The following PTPRG variants were observed in gnomAD, a reference collection of about 807,000 sequenced individuals.
PTPRG encodes protein tyrosine phosphatase receptor type G.
Under a neutral mutation model 165.3 loss-of-function variants are expected in PTPRG, and 102 were observed. That is an observed-to-expected ratio of 0.62 (90% CI 0.53 to 0.73). The LOEUF is 0.73. PTPRG is among the 30% of genes least tolerant of loss of function. The probability of loss-of-function intolerance (pLI) is 0.00; values close to 1 mark genes in which losing one functional copy is unlikely to be tolerated. For missense variants in PTPRG, 1,866 were observed against 1,861.4 expected (o/e 1.00, Z -0.05); for synonymous variants, 675 against 669.5 (o/e 1.01, Z -0.13).
rs567345597 is a variant in PTPRG, at chr3:61,700,417, G to A, written c.86-48461G>A. Among the ~76,000 whole-genome samples the A allele has an allele frequency of 2.0e-5, 3 of 152,264 alleles. No homozygotes were observed. In the East Asian group the frequency reaches 5.8e-4, roughly 29 times the overall value. ...TGACTAGATAGAAATGAATATTAAA[G>A]TAATTCAGCACAGTACTAAAAGCTT... is the stretch of plus-strand genomic sequence containing the variant. On this transcript the variant is annotated intron_variant, in intron 1 of 29. Coordinates refer to ENST00000474889, the MANE Select transcript of PTPRG (RefSeq NM_002841.4).
chr3:61,755,366 A>T (rs2033601001), intron 2 of PTPRG, among the ~76,000 whole-genome samples: 1 of 152,136 alleles, frequency 6.6e-6, no homozygotes, highest in African/African-American at 2.4e-5. Flanking sequence ...CAGCCTTGAG[A>T]GTCTTCCTCC....
At chr3:61,667,022 A>C (rs1046984417) in intron 1 of PTPRG, among the ~76,000 whole-genome samples, 8 of 152,228 alleles carry the variant, frequency 5.3e-5, no homozygotes, top group Admixed American at 5.2e-4. Context: ...ATTTGAATTA[A>C]TAATTTAAAA....
intron 4 of PTPRG, among the ~76,000 whole-genome samples, chr3:62,076,268 C>T: frequency 6.6e-6 from 1 of 151,926 alleles, no homozygotes; most frequent in Admixed American, 6.6e-5. Context: ...GCCTGGGTGA[C>T]AAAATGAGAC....
At chr3:61,784,777 G>T (rs544399954) in intron 2 of PTPRG, among the ~76,000 whole-genome samples, 2 of 152,196 alleles carry the variant, frequency 1.3e-5, no homozygotes, top group South Asian at 2.1e-4. Flanking sequence ...TTCTTTTAAA[G>T]AATTTAGTAT....
At chr3:62,191,796 C>A in intron 9 of PTPRG, 143 bp downstream of exon 9, 1 of 912,238 alleles carries the variant, frequency 1.1e-6, no homozygotes, top group Non-Finnish European at 1.6e-6. Flanking sequence ...GCCATTGCTG[C>A]GCTGCTCGAG....
At chr3:62,192,487 CA>C (rs1266543685) in intron 9 of PTPRG, among the ~76,000 whole-genome samples, 1 of 139,868 alleles carries the variant, frequency 7.1e-6, no homozygotes, top group Admixed American at 7.8e-5. Flanking sequence ...CGGCTCACTG[CA>C]AGCTCCACCT....
rs116663424 is a variant in PTPRG, at chr3:62,271,996, G to A, written c.3182+441G>A. On this transcript the variant is annotated intron_variant, in intron 21 of 29. Coordinates refer to ENST00000474889, the MANE Select transcript of PTPRG (RefSeq NM_002841.4). The surrounding 1 kb of genome is among the most constrained non-coding windows in gnomAD (Gnocchi z 4.1). ...TGTGGTCCCAGCTACATGGGAGGCT[G>A]AGACAGAAGGATCCCTTGAACCCAG... Among the ~76,000 whole-genome samples, 2,186 of 152,224 alleles carry A rather than the reference G, an allele frequency of 0.014. 28 individuals carry two copies. Among genetic ancestry groups the A allele is most frequent in the Non-Finnish European group, 0.026 (1,748 of 68,010 alleles).
intron 6 of PTPRG, among the ~76,000 whole-genome samples, chr3:62,141,013 C>T (rs539860893): frequency 9.9e-5 from 15 of 152,172 alleles, no homozygotes; most frequent in African/African-American, 3.1e-4. Flanking sequence ...CCTTAGATTT[C>T]TGCATTTGAG....
intron 2 of PTPRG, among the ~76,000 whole-genome samples, chr3:61,813,545 G>C (rs1279359678): frequency 8.2e-5 from 5 of 61,050 alleles, no homozygotes; most frequent in African/African-American, 1.4e-4. Flanking sequence ...AAGAAAATCT[G>C]TGTGTGTGTG....
At chr3:61,618,532 A>C (rs1701362615) in intron 1 of PTPRG, among the ~76,000 whole-genome samples, 1 of 152,190 alleles carries the variant, frequency 6.6e-6, no homozygotes, top group Admixed American at 6.5e-5. Context: ...GGTTTCTTTA[A>C]CTGTTAAATA....
intron 4 of PTPRG, among the ~76,000 whole-genome samples, chr3:62,053,649 C>T (rs966882170): frequency 1.3e-5 from 2 of 152,142 alleles, no homozygotes; most frequent in Non-Finnish European, 2.9e-5. Flanking sequence ...GAAAGATAAG[C>T]ATGGCATCTG....
intron 2 of PTPRG, among the ~76,000 whole-genome samples, chr3:61,973,783 A>C (rs1024104986): frequency 6.6e-6 from 1 of 152,110 alleles, no homozygotes; most frequent in Non-Finnish European, 1.5e-5. Flanking sequence ...CAGTGAGCCA[A>C]GATGGCTTCT....
intron 6 of PTPRG, among the ~76,000 whole-genome samples, chr3:62,133,558 T>C (rs974436990): frequency 1.3e-5 from 2 of 152,192 alleles, no homozygotes; most frequent in African/African-American, 4.8e-5. Flanking sequence ...CAGGGGTCAA[T>C]TGGAGCAAGT....
At chr3:62,141,943 T>C (rs1465143367) in intron 6 of PTPRG, among the ~76,000 whole-genome samples, 2 of 151,490 alleles carry the variant, frequency 1.3e-5, no homozygotes, top group African/African-American at 4.9e-5. Context: ...TGGTGGTGAT[T>C]TTCCTAATTA....
At chr3:61,877,852 GGAA>G (rs774010083) in intron 2 of PTPRG, among the ~76,000 whole-genome samples, 6 of 152,152 alleles carry the variant, frequency 3.9e-5, no homozygotes, top group African/African-American at 1.2e-4. Context: ...TTCAGAATTA[GGAA>G]GAAGAAGTTG....
intron 4 of PTPRG, among the ~76,000 whole-genome samples, chr3:62,024,117 A>C (rs2041756836): frequency 6.6e-6 from 1 of 152,070 alleles, no homozygotes; most frequent in Non-Finnish European, 1.5e-5. Context: ...TTTTTGACTG[A>C]CAACTATGTT....
chr3:61,888,212 TG>T (rs1575755421), intron 2 of PTPRG, among the ~76,000 whole-genome samples: 1 of 152,196 alleles, frequency 6.6e-6, no homozygotes, highest in East Asian at 1.9e-4. Flanking sequence ...TGTGTGTGTG[TG>T]TGTGTGTGTC....
intron 2 of PTPRG, among the ~76,000 whole-genome samples, chr3:61,825,952 G>A (rs1351203575): frequency 6.6e-6 from 1 of 152,072 alleles, no homozygotes; most frequent in East Asian, 1.9e-4. Flanking sequence ...ACCACTCCCA[G>A]CCAATCTTGT....
At chr3:61,792,230 C>A (rs77699036) in intron 2 of PTPRG, among the ~76,000 whole-genome samples, 2,309 of 152,024 alleles carry the variant, frequency 0.015, 62 homozygotes, top group African/African-American at 0.053. Context: ...AGGACCAGTT[C>A]TTATTCTGTC....
Sources: gnomAD v4.1 joint callset for allele counts (sites outside exome capture counted in the v4.1 genomes callset) on GRCh38, gnomAD v4.1.1 for gene constraint, Gnocchi (gnomAD v3.1) non-coding constraint, MANE v1.5 for transcripts, NCBI Gene and HGNC (gene_info 2026-07-23, HGNC 2026-07-21) for gene names.